The following NIPBL variants were observed in gnomAD, a reference collection of about 807,000 sequenced individuals.
NIPBL encodes the protein nipped-B-like protein.
NIPBL carries 19 observed loss-of-function variants against 321.8 expected under a neutral mutation model. The observed-to-expected ratio is 0.06, with a 90% CI of 0.04 to 0.09. NIPBL has a LOEUF of 0.09. Ranked by LOEUF, NIPBL falls within the 10% of genes least tolerant of loss-of-function variation. NIPBL has a pLI of 1.00. For synonymous variants in NIPBL, 1,106 were observed against 1,114.1 expected, an observed-to-expected ratio of 0.99 and a Z score of 0.14; for missense variants, 2,210 against 3,327.0, an observed-to-expected ratio of 0.66 and a Z score of 8.26.
chr5:36,884,551 A>G (rs1745745501), intron 1 of NIPBL, among the ~76,000 whole-genome samples: 1 of 152,174 alleles, frequency 6.6e-6, no homozygotes, highest in East Asian at 1.9e-4. Context: ...GTATCTCTTG[A>G]TAAAATAATT....
chr5:36,922,821 T>C (rs1749049213), intron 1 of NIPBL, among the ~76,000 whole-genome samples: 1 of 152,174 alleles, frequency 6.6e-6, no homozygotes, highest in Non-Finnish European at 1.5e-5. Flanking sequence ...CCTTGGAAAA[T>C]TAGTTTACCT....
chr5:37,013,179 C>G (rs1485993277), intron 21 of NIPBL, among the ~76,000 whole-genome samples: 1 of 151,048 alleles, frequency 6.6e-6, no homozygotes, highest in East Asian at 2.0e-4. Context: ...GCTGACCCCC[C>G]CACCTCCCTC....
chr5:36,946,827 A>G (rs1313916652), intron 1 of NIPBL, among the ~76,000 whole-genome samples: 1 of 152,106 alleles, frequency 6.6e-6, no homozygotes, highest in Non-Finnish European at 1.5e-5. Context: ...GAGACCTTGA[A>G]CAGACACTTA....
At chr5:37,003,440 C>T in intron 16 of NIPBL, 93 bp downstream of exon 16, 1 of 745,910 alleles carries the variant, frequency 1.3e-6, no homozygotes, top group East Asian at 2.5e-5. Flanking sequence ...TTTCCATTTT[C>T]TCAGTTACCT....
intron 11 of NIPBL, among the ~76,000 whole-genome samples, chr5:36,998,773 C>T (rs1005259331): frequency 7.9e-5 from 12 of 152,144 alleles, no homozygotes; most frequent in African/African-American, 2.9e-4. Context: ...ACCTGTTTCT[C>T]TGTCACACAT....
intron 7 of NIPBL, 92 bp downstream of exon 7, chr5:36,971,128 C>A: frequency 1.0e-6 from 1 of 974,220 alleles, no homozygotes; most frequent in Non-Finnish European, 1.6e-6. Context: ...ATGATACCTA[C>A]CGTATATCAT....
intron 25 of NIPBL, 43 bp from the exon 26 acceptor site, chr5:37,020,416 T>C (rs1175777259): frequency 7.6e-7 from 1 of 1,319,766 alleles, no homozygotes. Flanking sequence ...GGAAATCTTG[T>C]TGCTAATTTC....
intron 6 of NIPBL, among the ~76,000 whole-genome samples, chr5:36,964,877 G>A (rs1487724514): frequency 2.0e-5 from 3 of 152,196 alleles, no homozygotes; most frequent in Non-Finnish European, 2.9e-5. Flanking sequence ...AAAGATGTGA[G>A]TAGACATTCT....
At chr5:36,932,754 G>A (rs919093553) in intron 1 of NIPBL, among the ~76,000 whole-genome samples, 1 of 109,458 alleles carries the variant, frequency 9.1e-6, no homozygotes, top group South Asian at 3.1e-4. Flanking sequence ...TATTCTTTTA[G>A]TGTACTATTT....
rs761864879 is a variant in NIPBL at position 36,985,012 on chromosome 5, G to A, written c.1832G>A (p.Ser611Asn). Residue 611 changes from serine (S) to asparagine (N), a missense_variant, in exon 10 of 47, where the codon AGT (serine) becomes AAT (asparagine). Ser to Asn is a conservative substitution (Grantham distance 46, BLOSUM62 1). This residue lies in a region of NIPBL where 588 missense variants were observed against 564.1 expected (regional missense o/e 1.04). Coordinates refer to ENST00000282516, the MANE Select transcript of NIPBL (RefSeq NM_133433.4). ...AAGTCTGATCCTGAGCTTTCAAAGA[G>A]TGAAATGAAACAAAGTGAAAGTAGA... ...KKKSDPELSKSEMKQSESRLA... is the reference protein window; with the variant it reads ...KKKSDPELSKNEMKQSESRLA... 6.2e-7 allele frequency: 1 copy of A among 1,613,902 alleles called. No homozygotes were observed. Among genetic ancestry groups the A allele is most frequent in the South Asian group, 1.1e-5 (1 of 91,080 alleles).
chr5:36,981,579 A>G (rs1286753031), intron 9 of NIPBL, among the ~76,000 whole-genome samples: 1 of 151,736 alleles, frequency 6.6e-6, no homozygotes, highest in Non-Finnish European at 1.5e-5. Flanking sequence ...CTCTAATTAC[A>G]TAAATTAATT....
At chr5:36,961,327 A>G (rs1741598933) in intron 4 of NIPBL, among the ~76,000 whole-genome samples, 157 bp from the exon 5 acceptor site, 1 of 152,200 alleles carries the variant, frequency 6.6e-6, no homozygotes, top group South Asian at 2.1e-4. Context: ...TGTTCTTGAA[A>G]TTTACAGTTT....
At chr5:36,886,374 C>G in intron 1 of NIPBL, 1 of 723,536 alleles carries the variant, frequency 1.4e-6, no homozygotes, top group African/African-American at 1.7e-5. Flanking sequence ...GCAAGAACTT[C>G]AGTCTTGATG....
At chr5:36,883,386 C>T (rs1274297088) in intron 1 of NIPBL, among the ~76,000 whole-genome samples, 1 of 151,758 alleles carries the variant, frequency 6.6e-6, no homozygotes, top group Admixed American at 6.6e-5. Flanking sequence ...ACTTTTGCCT[C>T]TCCTGAGAAA....
chr5:37,044,933 G>A (rs1048455853), intron 36 of NIPBL, among the ~76,000 whole-genome samples: 1 of 152,082 alleles, frequency 6.6e-6, no homozygotes, highest in Non-Finnish European at 1.5e-5. Flanking sequence ...TTTATCTCCT[G>A]ATAAGTAAAG....
chr5:36,877,733 G>A (rs1745203093), intron 1 of NIPBL, among the ~76,000 whole-genome samples: 1 of 152,210 alleles, frequency 6.6e-6, no homozygotes, highest in African/African-American at 2.4e-5. Context: ...CTCAGACGCG[G>A]ATCCAGTGGT....
At chr5:36,886,298 C>T (rs1227232060) in intron 1 of NIPBL, 23 of 678,404 alleles carry the variant, frequency 3.4e-5, no homozygotes, top group South Asian at 3.1e-4. Flanking sequence ...GAGTACGAGA[C>T]CATGCTGAAC....
chr5:36,957,678 T>C (rs186348676), intron 3 of NIPBL, among the ~76,000 whole-genome samples: 25 of 152,254 alleles, frequency 1.6e-4, no homozygotes, highest in Non-Finnish European at 3.1e-4. Context: ...AGGGATAGCA[T>C]ATTTGAAAAT....
chr5:36,982,051 TA>T (rs1744210352), intron 9 of NIPBL, among the ~76,000 whole-genome samples: 1 of 151,852 alleles, frequency 6.6e-6, no homozygotes, highest in Non-Finnish European at 1.5e-5. Flanking sequence ...CTTGTAAGCG[TA>T]ATTGAGTTTA....
Sources: allele counts gnomAD v4.1 joint callset (sites outside exome capture counted in the v4.1 genomes callset), GRCh38; gene constraint gnomAD v4.1.1; regional missense constraint gnomAD v4.1.1; transcripts MANE v1.5; gene names NCBI Gene and HGNC (gene_info 2026-07-23, HGNC 2026-07-21).